NRP2: variants seen among roughly 807,000 people sequenced by gnomAD.
NRP2 encodes neuropilin-2.
Under a neutral mutation model 110.4 loss-of-function variants are expected in NRP2, and 52 were observed. The ratio of observed to expected loss-of-function variants is 0.47; its 90% confidence interval spans 0.38 to 0.59. The LOEUF is 0.59. Among genes scored for constraint, NRP2 ranks in the 20% least tolerant of loss-of-function variants. NRP2 has a pLI of 0.00. For synonymous variants in NRP2, 508 were observed against 468.9 expected (o/e 1.08, Z -1.08); for missense variants, 1,049 against 1,203.0 (o/e 0.87, Z 1.89).
At chr2:205,710,293 G>C (rs1050668327) in intron 2 of NRP2, among the ~76,000 whole-genome samples, 4 of 152,188 alleles carry the variant, frequency 2.6e-5, no homozygotes, top group Non-Finnish European at 5.9e-5. Context: ...GCCTGTCTCT[G>C]ACCTTTCCTC....
rs2057768167 is a variant in NRP2, at chr2:205,758,440, C to T, written c.2045-5234C>T. On this transcript the variant is annotated intron_variant, in intron 12 of 16. Transcript: ENST00000357785. ...ATTGCTGTTGGGCCAGTCGCAGTCA[C>T]GTGTTCACATGACACTTAAGCAGCT... Among the ~76,000 whole-genome samples the T allele has an allele frequency of 3.3e-5, 5 of 152,180 alleles. No homozygotes were observed. In the South Asian group the frequency reaches 6.2e-4, roughly 19 times the overall value.
intron 2 of NRP2, among the ~76,000 whole-genome samples, chr2:205,713,555 A>G (rs2056838712): frequency 6.6e-6 from 1 of 152,126 alleles, no homozygotes; most frequent in Non-Finnish European, 1.5e-5. Flanking sequence ...AGTCTTTCAG[A>G]CTTCCTCTGT....
intron 15 of NRP2, among the ~76,000 whole-genome samples, chr2:205,768,805 C>A (rs900940589): frequency 3.3e-5 from 5 of 152,254 alleles, no homozygotes; most frequent in African/African-American, 1.2e-4. Context: ...TGGCAAGCAT[C>A]TTTGGGAAGA....
chr2:205,773,779 C>T (rs1398980808), intron 15 of NRP2, among the ~76,000 whole-genome samples: 4 of 152,164 alleles, frequency 2.6e-5, no homozygotes, highest in Admixed American at 2.6e-4. Flanking sequence ...GTGTTGGAAA[C>T]CAGCATTTTG....
At chr2:205,705,385 T>G (rs2056653167) in intron 2 of NRP2, among the ~76,000 whole-genome samples, 1 of 152,188 alleles carries the variant, frequency 6.6e-6, no homozygotes. Flanking sequence ...AAAATAAAAT[T>G]TTCTAAAAAG....
At position 205,763,882 on chromosome 2, in the gene NRP2, C is replaced by A; in HGVS notation, c.2253C>A (p.Gly751=). The A allele has an allele frequency of 6.2e-7, 1 of 1,613,992 alleles. No homozygotes were observed. Among genetic ancestry groups the A allele is most frequent in the Non-Finnish European group, 8.5e-7 (1 of 1,179,938 alleles). The change falls in exon 13 of 17, where the codon GGC becomes GGA. Residue 751 remains glycine, a synonymous_variant. Transcript: ENST00000357785. This position sits in a 1 kb window ranked among gnomAD's most constrained non-coding sequence, Gnocchi z 4.0. ...KLLWVIREDQ[G]GEWKHGRIIL... is the part of the protein sequence containing the mutation. ...TGTGGGTCATCCGTGAGGACCAGGG[C>A]GGCGAGTGGAAGCACGGGCGGATCA...
At chr2:205,770,719 C>T (rs910130504) in intron 15 of NRP2, among the ~76,000 whole-genome samples, 2 of 152,206 alleles carry the variant, frequency 1.3e-5, no homozygotes, top group African/African-American at 4.8e-5. Flanking sequence ...CTAACCCCTG[C>T]CGGGGTTCCA....
At chr2:205,766,688 A>C (rs1408020440) in intron 14 of NRP2, 95 bp from the exon 15 acceptor site, 1 of 1,157,228 alleles carries the variant, frequency 8.6e-7, no homozygotes, top group Non-Finnish European at 1.3e-6. Context: ...GAGTGCAGTC[A>C]TGTTTATCAT....
chr2:205,684,451 G>A (rs1399249047), intron 1 of NRP2, among the ~76,000 whole-genome samples: 1 of 152,334 alleles, frequency 6.6e-6, no homozygotes, highest in South Asian at 2.1e-4. Flanking sequence ...GCACTTGCAA[G>A]GCGATGGCGG....
chr2:205,708,067 C>T (rs1371091819), intron 2 of NRP2, among the ~76,000 whole-genome samples: 1 of 152,194 alleles, frequency 6.6e-6, no homozygotes, highest in Non-Finnish European at 1.5e-5. Context: ...GCTGCTGCTG[C>T]CGCTGAGAAA....
At chr2:205,748,466 A>T (rs982577550) in intron 10 of NRP2, among the ~76,000 whole-genome samples, 12 of 152,240 alleles carry the variant, frequency 7.9e-5, no homozygotes, top group African/African-American at 2.2e-4. Context: ...ACAAATTAGG[A>T]CACTTCGAGG....
chr2:205,752,418 C>G lies in NRP2; in HGVS notation c.1904-417C>G, dbSNP rs1036093572. Reference sequence around the variant, plus strand: ...ATGCTAATGGGCTGCCCCATCTCCTCTGAGAGCCAGGTTGGCAGGAGATGA... The same window carrying G: ...ATGCTAATGGGCTGCCCCATCTCCTGTGAGAGCCAGGTTGGCAGGAGATGA... On this transcript the variant is annotated intron_variant, in intron 11 of 16. Transcript: ENST00000357785. 3.0e-5 allele frequency: 9 copies of G among 303,082 alleles called. No individual in the cohort carries two copies. In the Admixed American group the frequency reaches 4.4e-4, roughly 15 times the overall value. The allele number at this position is 303,082 out of a possible 1,614,324, so 18.8% of individuals were successfully genotyped here.
chr2:205,733,943 C>A (rs1365811355), intron 7 of NRP2, among the ~76,000 whole-genome samples: 1 of 152,176 alleles, frequency 6.6e-6, no homozygotes, highest in African/African-American at 2.4e-5. Flanking sequence ...CTAGCGGGCC[C>A]CGCAGGCCCA....
At chr2:205,764,055 C>T in intron 13 of NRP2, 119 bp downstream of exon 13, 1 of 1,287,178 alleles carries the variant, frequency 7.8e-7, no homozygotes, top group Non-Finnish European at 1.1e-6. Flanking sequence ...CTCACGTTGC[C>T]ATGGCAACTG....
intron 15 of NRP2, chr2:205,776,178 T>C (rs2058093636): frequency 2.7e-6 from 4 of 1,462,276 alleles, no homozygotes; most frequent in Non-Finnish European, 3.8e-6. Context: ...CTTTCTTTTT[T>C]TAAATTAGTC....
chr2:205,790,375 G>C (rs962396169), intron 15 of NRP2, among the ~76,000 whole-genome samples: 11 of 152,112 alleles, frequency 7.2e-5, no homozygotes, highest in Non-Finnish European at 1.2e-4. Context: ...GTGATCTATG[G>C]TATCCTAAGA....
chr2:205,684,237 T>C (rs1388178996), intron 1 of NRP2, among the ~76,000 whole-genome samples: 1 of 151,922 alleles, frequency 6.6e-6, no homozygotes, highest in African/African-American at 2.4e-5. Flanking sequence ...GAAAGGGGAA[T>C]CCATGGGGAA....
Position 205,697,644 on chromosome 2 carries a change from T to C in NRP2, c.174T>C (p.Ile58=). 1 of 1,613,964 alleles carries C rather than the reference T, an allele frequency of 6.2e-7. No individual in the cohort carries two copies. The highest frequency in any genetic ancestry group is 1.1e-5 in the South Asian group (1 of 91,054). ...DYPSHQNCEW[I]VYAPEPNQKI... Reference sequence around the variant, plus strand: ...CCTCCCACCAGAACTGCGAGTGGATTGTTTACGCCCCCGAACCCAACCAGA... The same window carrying C: ...CCTCCCACCAGAACTGCGAGTGGATCGTTTACGCCCCCGAACCCAACCAGA... The change falls in exon 2 of 17, where the codon ATT becomes ATC. Residue 58 remains isoleucine, a synonymous_variant. Transcript: ENST00000357785.
At chr2:205,751,176 C>T (rs2057637751) in intron 11 of NRP2, among the ~76,000 whole-genome samples, 1 of 152,054 alleles carries the variant, frequency 6.6e-6, no homozygotes, top group Admixed American at 6.5e-5. Flanking sequence ...ACAGAGTTAG[C>T]TTGTTGGGGG....
Sources: allele counts gnomAD v4.1 joint callset (sites outside exome capture counted in the v4.1 genomes callset), GRCh38; gene constraint gnomAD v4.1.1; non-coding constraint Gnocchi (gnomAD v3.1); transcripts MANE v1.5; gene names NCBI Gene and HGNC (gene_info 2026-07-23, HGNC 2026-07-21).